Variants in PLEKHG5 observed in about 807,000 individuals in gnomAD.
PLEKHG5 encodes the protein pleckstrin homology domain-containing family G member 5.
PLEKHG5 carries 52 observed loss-of-function variants against 103.8 expected under a neutral mutation model. That is an observed-to-expected ratio of 0.50 (90% confidence interval 0.40 to 0.63). The LOEUF is 0.63. Ranked by LOEUF, PLEKHG5 falls within the 30% of genes least tolerant of loss-of-function variation. PLEKHG5 has a pLI of 0.00. For synonymous variants in PLEKHG5, 592 were observed against 575.5 expected, an observed-to-expected ratio of 1.03 and a Z score of -0.41; for missense variants, 1,205 against 1,347.6, an observed-to-expected ratio of 0.89 and a Z score of 1.66.
At chr1:6,515,412 A>T (rs754977040) in intron 1 of PLEKHG5, among the ~76,000 whole-genome samples, 27 of 152,162 alleles carry the variant, frequency 1.8e-4, no homozygotes, top group Non-Finnish European at 3.4e-4. Context: ...CTGTAGTCCC[A>T]GCTATTGGGG....
In PLEKHG5 at chr1:6,470,293, C is replaced by T. The variant is rs1401679164; in HGVS notation, c.1743G>A (p.Glu581=). Residue 581 remains glutamate, a synonymous_variant, in exon 16 of 21, where the codon GAG becomes GAA. Coordinates refer to ENST00000377728, the MANE Select transcript of PLEKHG5 (RefSeq NM_020631.6). Reference sequence around the variant, plus strand: ...TCCCCTCCAGCAGCAGCTGCCGCGTCTCCTCCGGGGAGGCGCCAGGGATGG... The same window carrying T: ...TCCCCTCCAGCAGCAGCTGCCGCGTTTCCTCCGGGGAGGCGCCAGGGATGG... ...TAPIPGASPE[E]TRQLLLEGSL... is the part of the protein sequence containing the mutation. 1 of 1,614,090 alleles carries T rather than the reference C, an allele frequency of 6.2e-7. No homozygotes were observed. The highest frequency in any genetic ancestry group is 1.1e-5 in the South Asian group (1 of 91,084).
upstream of PLEKHG5, among the ~76,000 whole-genome samples, chr1:6,500,444 C>G (rs1000447821): frequency 1.3e-5 from 2 of 152,068 alleles, no homozygotes; most frequent in African/African-American, 4.8e-5. Context: ...GTAGCAACCC[C>G]TCTTATGTGG....
rs1012753631 is a variant in PLEKHG5 at position 6,490,893 on chromosome 1, C to A, written c.-88+744G>T. 6.6e-6 allele frequency among the ~76,000 whole-genome samples: 1 copy of A among 152,070 alleles called. No homozygotes were observed. Among genetic ancestry groups the A allele is most frequent in the African/African-American group, 2.4e-5 (1 of 41,406 alleles). On this transcript the variant is annotated intron_variant, in intron 1 of 20. Transcript: ENST00000377728. This position sits in a 1 kb window ranked among gnomAD's most constrained non-coding sequence, Gnocchi z 8.0. ...GGAGCTCGCCCATCCCGGAAGGGGG[C>A]TAGGGGGGACCAGGGCCCGCGACAG...
chr1:6,492,737 C>A (rs1645169135), upstream of PLEKHG5, among the ~76,000 whole-genome samples: 1 of 152,076 alleles, frequency 6.6e-6, no homozygotes, highest in Admixed American at 6.5e-5. Flanking sequence ...CCCAGGGTCG[C>A]ACAGCTGGAA....
chr1:6,473,320 C>T lies in PLEKHG5; in HGVS notation c.726G>A (p.Trp242Ter). ...TGAAGCGACTGGCCGCCCGGTTCTT[C>T]CAGCTGTCGCCAGTGTTGGTGCTGC... ...SSGSTNTGDS[W>*]KNRAASRFSG... Residue 242 changes from tryptophan (W) to a stop codon, truncating the protein, a stop_gained, in exon 8 of 21, where the codon TGG becomes TGA. Transcript: ENST00000377728. LOFTEE classifies it high-confidence loss of function. The T allele has an allele frequency of 1.9e-6, 3 of 1,564,498 alleles. No homozygotes were observed. The highest frequency in any genetic ancestry group is 2.6e-6 in the Non-Finnish European group (3 of 1,155,616).
intron 1 of PLEKHG5, among the ~76,000 whole-genome samples, chr1:6,518,558 C>A (rs11122041): frequency 7.2e-5 from 10 of 139,776 alleles, no homozygotes; most frequent in African/African-American, 1.0e-4. Flanking sequence ...AAACTCCATC[C>A]CAAAAAAAAA....
chr1:6,500,065 G>C (rs1180062801), upstream of PLEKHG5, among the ~76,000 whole-genome samples: 1 of 152,170 alleles, frequency 6.6e-6, no homozygotes, highest in Non-Finnish European at 1.5e-5. Context: ...GCCTCCTAAA[G>C]TGCTGAGATT....
intron 1 of PLEKHG5, among the ~76,000 whole-genome samples, chr1:6,489,383 G>A (rs1401259972): frequency 6.6e-6 from 1 of 152,188 alleles, no homozygotes; most frequent in Non-Finnish European, 1.5e-5. Context: ...CTAAGGCCCT[G>A]CCCTGTGCCG....
At chr1:6,471,312 A>G (rs1243201644) in intron 12 of PLEKHG5, 176 bp downstream of exon 12, 2 of 812,974 alleles carry the variant, frequency 2.5e-6, no homozygotes, top group Non-Finnish European at 3.9e-6. Context: ...GGTCAGGTGG[A>G]GGCTCAAACC....
At chr1:6,503,052 A>G (rs537587103) in intron 1 of PLEKHG5, among the ~76,000 whole-genome samples, 2 of 152,308 alleles carry the variant, frequency 1.3e-5, no homozygotes, top group East Asian at 3.9e-4. Context: ...CCTCACCAGG[A>G]TAAAGGGGAT....
At chr1:6,511,351 A>C (rs1046229009) in intron 1 of PLEKHG5, among the ~76,000 whole-genome samples, 4 of 152,172 alleles carry the variant, frequency 2.6e-5, no homozygotes, top group African/African-American at 9.7e-5. Context: ...GGCACCACCA[A>C]CAAGGACGGT....
At position 6,476,005 on chromosome 1, in the gene PLEKHG5, C is replaced by G. The variant is rs1557749771; in HGVS notation, c.75G>C (p.Arg25=). ...CGGGGCTGGTGCGCGGCGGGCATGA[C>G]CGGGTGGACACGTTCCGGGCCAGCA... ...GSVLARNVST[R]SCPPRTSPAV... Residue 25 remains arginine (R), a synonymous_variant, in exon 3 of 21, where the codon CGG becomes CGC. Coordinates refer to ENST00000377728, the MANE Select transcript of PLEKHG5 (RefSeq NM_020631.6). The G allele has an allele frequency of 1.2e-6, 2 of 1,613,730 alleles. No individual in the cohort carries two copies. The highest frequency in any genetic ancestry group is 3.3e-5 in the Admixed American group (2 of 60,032).
At chr1:6,511,391 T>G (rs1638467092) in intron 1 of PLEKHG5, among the ~76,000 whole-genome samples, 1 of 152,176 alleles carries the variant, frequency 6.6e-6, no homozygotes, top group African/African-American at 2.4e-5. Flanking sequence ...GGTTTCCTCC[T>G]CTGTAAAATG....
chr1:6,512,427 A>G (rs1476304482), intron 1 of PLEKHG5, among the ~76,000 whole-genome samples: 1 of 152,084 alleles, frequency 6.6e-6, no homozygotes, highest in African/African-American at 2.4e-5. Flanking sequence ...CTTCGAGCCC[A>G]CTGGCATGGG....
intron 19 of PLEKHG5, 33 bp from the exon 20 acceptor site, chr1:6,468,619 A>G: frequency 3.3e-5 from 53 of 1,612,330 alleles, no homozygotes; most frequent in Non-Finnish European, 4.4e-5. Context: ...AGCCCAGGCC[A>G]TGAAACCTAG....
At chr1:6,475,553 AGGT>A in intron 3 of PLEKHG5, 31 bp from the exon 4 acceptor site, 2 of 1,599,634 alleles carry the variant, frequency 1.3e-6, no homozygotes, top group Non-Finnish European at 1.7e-6. Flanking sequence ...CAGAGGCTGG[AGGT>A]GTGGGTGGCC....
intron 1 of PLEKHG5, among the ~76,000 whole-genome samples, chr1:6,502,571 G>A (rs1645307130): frequency 6.6e-6 from 1 of 152,368 alleles, no homozygotes. Flanking sequence ...TCCGGCTGAG[G>A]CTACTGCGGG....
chr1:6,515,527 A>C (rs1347575762), intron 1 of PLEKHG5, among the ~76,000 whole-genome samples: 1 of 144,818 alleles, frequency 6.9e-6, no homozygotes, highest in Non-Finnish European at 1.5e-5. Flanking sequence ...ACACTGTCTC[A>C]AAAAAAAAAA....
At position 6,475,948 on chromosome 1, in the gene PLEKHG5, G is replaced by C; in HGVS notation, c.132C>G (p.Ser44Arg). The C allele has an allele frequency of 6.2e-7, 1 of 1,613,670 alleles. No homozygotes were observed. The highest frequency in any genetic ancestry group is 8.5e-7 in the Non-Finnish European group (1 of 1,179,692). The stretch of plus-strand genomic sequence containing the variant: ...TCACCTACCCTTTGCCATCCACAGA[G>C]CTCTCCTCCTCCTCCTCCTCCAAGT... Reference protein sequence around the residue: ...AVDLEEEEEESSVDGKGDRKS... With the variant: ...AVDLEEEEEERSVDGKGDRKS... Residue 44 changes from serine to arginine, a missense_variant, in exon 3 of 21, where the codon AGC becomes AGG. By Grantham distance (110) the Ser-to-Arg change is moderately radical. Coordinates refer to ENST00000377728, the MANE Select transcript of PLEKHG5 (RefSeq NM_020631.6).
Sources: gnomAD v4.1 joint callset for allele counts (sites outside exome capture counted in the v4.1 genomes callset) on GRCh38, gnomAD v4.1.1 for gene constraint, Gnocchi (gnomAD v3.1) non-coding constraint, MANE v1.5 for transcripts, NCBI Gene and HGNC (gene_info 2026-07-23, HGNC 2026-07-21) for gene names.